SCARA3: variants seen among roughly 807,000 people sequenced by gnomAD.
SCARA3 encodes cellular stress response gene protein.
In SCARA3, 39 loss-of-function variants were observed where a neutral mutation model predicts 47.0. That is an observed-to-expected ratio of 0.83 (90% CI 0.64 to 1.08). The LOEUF (loss-of-function observed/expected upper bound fraction) is 1.08, where lower values mean the gene tolerates loss of function less well. Among genes scored for constraint, SCARA3 ranks in the 50% least tolerant of loss-of-function variants. The pLI is 0.00. For missense variants in SCARA3, 724 were observed against 792.3 expected (o/e 0.91, Z 1.04); for synonymous variants, 356 against 334.1 (o/e 1.07, Z -0.71).
chr8:27,687,353 T>A, the SCARA3 span, among the ~76,000 whole-genome samples: 2 of 152,210 alleles, frequency 1.3e-5, no homozygotes, highest in African/African-American at 4.8e-5. Flanking sequence ...AGTTTCTGAA[T>A]ACAGCCACAC....
At chr8:27,634,810 C>G (rs1801215306) in intron 1 of SCARA3, among the ~76,000 whole-genome samples, 2 of 152,164 alleles carry the variant, frequency 1.3e-5, no homozygotes, top group South Asian at 4.1e-4. Context: ...GGGTGGTGAG[C>G]CAGCAGCAGG....
intron 1 of SCARA3, among the ~76,000 whole-genome samples, chr8:27,647,682 A>G (rs1039629213): frequency 1.3e-4 from 20 of 152,194 alleles, no homozygotes; most frequent in African/African-American, 4.3e-4. Flanking sequence ...AGCACAGAGC[A>G]TGTGAGGTGT....
At chr8:27,651,748 T>A in intron 3 of SCARA3, 121 bp downstream of exon 3, 8 of 1,320,314 alleles carry the variant, frequency 6.1e-6, no homozygotes, top group South Asian at 1.4e-5. Context: ...AGAGCCAGCA[T>A]CTTCCTGGCT....
chr8:27,635,383 C>T (rs971244118), intron 1 of SCARA3, among the ~76,000 whole-genome samples: 10 of 152,182 alleles, frequency 6.6e-5, no homozygotes, highest in Admixed American at 1.3e-4. Context: ...CCAGTGCCAT[C>T]CTACAAGGTC....
the SCARA3 span, chr8:27,701,237 C>G: frequency 6.6e-6 from 1 of 152,252 alleles, no homozygotes; most frequent in East Asian, 1.9e-4. Flanking sequence ...TCTATAGTTA[C>G]AGAAATCAGG....
the SCARA3 span, among the ~76,000 whole-genome samples, chr8:27,700,284 G>A: frequency 6.6e-6 from 1 of 152,066 alleles, no homozygotes; most frequent in Non-Finnish European, 1.5e-5. Flanking sequence ...CTTGCTTTCA[G>A]GATACATAAA....
chr8:27,656,771 T>C lies in SCARA3; in HGVS notation c.227-11T>C. ...GACCCTGCCCCAGCTTCTCATCTGT[T>C]TTCCCTACAGTTTTCAGAAAAGTGG... On this transcript the variant is annotated splice_polypyrimidine_tract_variant and intron_variant, in intron 3 of 5. Coordinates refer to ENST00000301904, the MANE Select transcript of SCARA3 (RefSeq NM_016240.3). The C allele has an allele frequency of 6.4e-7, 1 of 1,555,390 alleles. No homozygotes were observed. The highest frequency in any genetic ancestry group is 1.1e-5 in the South Asian group (1 of 89,910).
At chr8:27,681,994 C>T in the SCARA3 span, among the ~76,000 whole-genome samples, 3 of 151,334 alleles carry the variant, frequency 2.0e-5, no homozygotes, top group Non-Finnish European at 2.9e-5. Flanking sequence ...ACAAGAATAT[C>T]TTGAAAAAAA....
At chr8:27,722,587 T>G in the SCARA3 span, among the ~76,000 whole-genome samples, 1 of 152,218 alleles carries the variant, frequency 6.6e-6, no homozygotes, top group African/African-American at 2.4e-5. Flanking sequence ...CCCTGGCCAT[T>G]GGCCTCAGAC....
the SCARA3 span, among the ~76,000 whole-genome samples, chr8:27,721,889 C>A: frequency 6.6e-6 from 1 of 152,056 alleles, no homozygotes; most frequent in African/African-American, 2.4e-5. Context: ...TGAGACCAGC[C>A]TGGGCAATGT....
the SCARA3 span, among the ~76,000 whole-genome samples, chr8:27,691,937 A>T: frequency 6.6e-6 from 1 of 152,202 alleles, no homozygotes; most frequent in African/African-American, 2.4e-5. Flanking sequence ...TCTCCTGTCC[A>T]TTCTGTAAAC....
downstream of SCARA3, among the ~76,000 whole-genome samples, chr8:27,673,961 G>C (rs1040092313): frequency 1.3e-5 from 2 of 152,142 alleles, no homozygotes; most frequent in African/African-American, 4.8e-5. Context: ...GGGGTTTGCT[G>C]CACATCTGGG....
chr8:27,725,401 A>G, the SCARA3 span, among the ~76,000 whole-genome samples: 5 of 148,150 alleles, frequency 3.4e-5, no homozygotes, highest in African/African-American at 1.2e-4. Flanking sequence ...ATTTATATTT[A>G]TATTATCCTT....
the SCARA3 span, among the ~76,000 whole-genome samples, chr8:27,718,527 T>C: frequency 6.6e-6 from 1 of 152,228 alleles, no homozygotes; most frequent in East Asian, 1.9e-4. Flanking sequence ...GACCTCGCAC[T>C]CCAGCTCCAT....
chr8:27,686,130 AT>A, the SCARA3 span, among the ~76,000 whole-genome samples: 3 of 152,182 alleles, frequency 2.0e-5, no homozygotes, highest in Non-Finnish European at 4.4e-5. Flanking sequence ...TGCAGGTTTT[AT>A]TATTAGATTA....
the SCARA3 span, among the ~76,000 whole-genome samples, chr8:27,694,742 G>T: frequency 6.6e-6 from 1 of 152,182 alleles, no homozygotes; most frequent in South Asian, 2.1e-4. Flanking sequence ...GCCCATCCAG[G>T]ATAGCAGAGG....
the SCARA3 span, among the ~76,000 whole-genome samples, chr8:27,729,688 G>A: frequency 6.6e-6 from 1 of 152,156 alleles, no homozygotes; most frequent in Non-Finnish European, 1.5e-5. Context: ...CTACTCGGGA[G>A]CCTGAGGCAG....
the SCARA3 span, among the ~76,000 whole-genome samples, chr8:27,720,181 G>T: frequency 6.6e-6 from 1 of 152,038 alleles, no homozygotes; most frequent in Admixed American, 6.6e-5. Context: ...AGGTGAGGAA[G>T]GATACCTCAC....
Position 27,670,894 on chromosome 8 carries a change from C to T in SCARA3, c.1370-6C>T, listed in dbSNP as rs1342677152. The T allele has an allele frequency of 1.3e-6, 2 of 1,518,168 alleles. No individual in the cohort carries two copies. Among genetic ancestry groups the T allele is most frequent in the Non-Finnish European group, 1.8e-6 (2 of 1,135,532 alleles). The allele number at this position is 1,518,168 out of a possible 1,614,324, so 94.0% of individuals were successfully genotyped here. A position where few individuals can be genotyped will look rare whatever the true frequency, so the allele number is the denominator to read the frequency against. On this transcript the variant is annotated splice_polypyrimidine_tract_variant and splice_region_variant and intron_variant, in intron 5 of 5. Transcript: ENST00000301904. ...CTGACCTCTCCCATCTTCTCTCCAA[C>T]CTCAGGTGCCCCCGGCCCTCCAGGA... is the stretch of plus-strand genomic sequence containing the variant.
Sources: allele counts gnomAD v4.1 joint callset (sites outside exome capture counted in the v4.1 genomes callset), GRCh38; gene constraint gnomAD v4.1.1; transcripts MANE v1.5; gene names NCBI Gene and HGNC (gene_info 2026-07-23, HGNC 2026-07-21).